Variants in ARHGEF10L observed in about 807,000 individuals in gnomAD.
The protein encoded by ARHGEF10L is rho guanine nucleotide exchange factor 10-like protein.
Under a neutral mutation model 141.2 loss-of-function variants are expected in ARHGEF10L, and 69 were observed. That is an observed-to-expected ratio of 0.49 (90% CI 0.40 to 0.60). The LOEUF (loss-of-function observed/expected upper bound fraction) is 0.60. ARHGEF10L is among the 20% of genes least tolerant of loss of function. The pLI is 0.00. For synonymous variants in ARHGEF10L, 711 were observed against 718.5 expected (o/e 0.99, Z 0.17); for missense variants, 1,482 against 1,734.3 (o/e 0.85, Z 2.58).
intron 27 of ARHGEF10L, among the ~76,000 whole-genome samples, chr1:17,689,118 A>T (rs1360394054): frequency 6.6e-6 from 1 of 152,128 alleles, no homozygotes; most frequent in Non-Finnish European, 1.5e-5. Context: ...GTGGTCATGC[A>T]GTAGACCAGA....
chr1:17,683,261 G>A (rs866255103), intron 26 of ARHGEF10L, among the ~76,000 whole-genome samples: 23 of 120,552 alleles, frequency 1.9e-4, no homozygotes, highest in African/African-American at 7.3e-4. Context: ...TCACCCGGGT[G>A]CTCACTGCCC....
At chr1:17,682,373 C>T (rs1252824929) in intron 26 of ARHGEF10L, among the ~76,000 whole-genome samples, 3 of 152,172 alleles carry the variant, frequency 2.0e-5, no homozygotes, top group African/African-American at 7.2e-5. Context: ...ATCTCAGTCC[C>T]ACCACATAGG....
At chr1:17,694,376 C>T in intron 27 of ARHGEF10L, 1 of 157,616 alleles carries the variant, frequency 6.3e-6, no homozygotes, top group Admixed American at 6.0e-5. Context: ...GGTGTGAATC[C>T]CGCACCTGGC....
At chr1:17,572,545 G>A (rs532355542) in intron 1 of ARHGEF10L, among the ~76,000 whole-genome samples, 1 of 152,170 alleles carries the variant, frequency 6.6e-6, no homozygotes, top group Non-Finnish European at 1.5e-5. Flanking sequence ...AGTCTAAGAA[G>A]CCTAAGCCAG....
intron 1 of ARHGEF10L, among the ~76,000 whole-genome samples, chr1:17,559,907 C>T (rs995297149): frequency 2.0e-5 from 3 of 152,142 alleles, no homozygotes; most frequent in Non-Finnish European, 2.9e-5. Flanking sequence ...TTCAGCACTC[C>T]TGTCCCTCCA....
At chr1:17,637,087 C>T (rs1489772048) in intron 18 of ARHGEF10L, among the ~76,000 whole-genome samples, 1 of 152,144 alleles carries the variant, frequency 6.6e-6, no homozygotes, top group Non-Finnish European at 1.5e-5. Flanking sequence ...CCATTGTTAA[C>T]TGACTGCTTC....
At chr1:17,632,525 T>G in intron 16 of ARHGEF10L, 59 bp downstream of exon 16, 1 of 1,606,472 alleles carries the variant, frequency 6.2e-7, no homozygotes, top group Non-Finnish European at 8.5e-7. Flanking sequence ...CATCCCGCCC[T>G]ACTCCAGTCT....
intron 9 of ARHGEF10L, chr1:17,618,305 G>A: frequency 4.0e-6 from 6 of 1,499,006 alleles, no homozygotes; most frequent in South Asian, 1.3e-5. Flanking sequence ...GACCCTCCCT[G>A]CAGAGGCGAT....
chr1:17,567,567 C>T (rs2077812764), intron 1 of ARHGEF10L, among the ~76,000 whole-genome samples: 1 of 152,140 alleles, frequency 6.6e-6, no homozygotes, highest in Non-Finnish European at 1.5e-5. Context: ...AGGGTTTTAC[C>T]ATGTTGGTCA....
chr1:17,686,935 T>A (rs12742364), intron 26 of ARHGEF10L, among the ~76,000 whole-genome samples: 27,755 of 151,912 alleles, frequency 0.18, 2,813 homozygotes, highest in African/African-American at 0.26. Flanking sequence ...TGGAAGAGAA[T>A]GCTTTTCACC....
chr1:17,636,096 G>T (rs2060983574), intron 18 of ARHGEF10L, among the ~76,000 whole-genome samples: 1 of 152,094 alleles, frequency 6.6e-6, no homozygotes. Context: ...GGCACCTTCT[G>T]CCCTGGCTCA....
chr1:17,607,651 T>C lies in ARHGEF10L; in HGVS notation c.434-151T>C. ...AAAATGTATTATCATCTTCGTTTCA[T>C]GGTTGAGGAGGTAGAGCTGGAGCCC... On this transcript the variant is annotated intron_variant, in intron 6 of 28. Coordinates refer to ENST00000361221, the MANE Select transcript of ARHGEF10L (RefSeq NM_018125.4). The surrounding 1 kb of genome is among the most constrained non-coding windows in gnomAD (Gnocchi z 4.5). 1.4e-6 allele frequency: 1 copy of C among 725,698 alleles called. No individual in the cohort carries two copies. Among genetic ancestry groups the C allele is most frequent in the Non-Finnish European group, 2.1e-6 (1 of 485,408 alleles). 45.0% of individuals were successfully genotyped at this position (725,698 alleles called of 1,614,324 possible).
chr1:17,607,911 G>C lies in ARHGEF10L; in HGVS notation c.543G>C (p.Ser181=). ...SSEFESYSED[S]GEEAKPEVEV... The stretch of plus-strand genomic sequence containing the variant: ...AGTTCGAGAGCTACAGCGAGGACTC[G>C]GGGGAGGAGGCCAAGCCGGAGGTCG... Residue 181 remains serine, a synonymous_variant, in exon 7 of 29, where the codon TCG becomes TCC. Coordinates refer to ENST00000361221, the MANE Select transcript of ARHGEF10L (RefSeq NM_018125.4). The surrounding 1 kb of genome is among the most constrained non-coding windows in gnomAD (Gnocchi z 4.5). 6.5e-7 allele frequency: 1 copy of C among 1,536,516 alleles called. No homozygotes were observed. Among genetic ancestry groups the C allele is most frequent in the Non-Finnish European group, 8.7e-7 (1 of 1,145,068 alleles).
rs543149111 is a variant in ARHGEF10L, at chr1:17,639,672, G to A, written c.2172-530G>A. The stretch of plus-strand genomic sequence containing the variant: ...CACTGCTCTGAGGTGAGAGGACAGC[G>A]TGGTGACAACAGCAACCTCTGGTTG... On this transcript the variant is annotated intron_variant, in intron 20 of 28. Coordinates refer to ENST00000361221, the MANE Select transcript of ARHGEF10L (RefSeq NM_018125.4). This position sits in a 1 kb window ranked among gnomAD's most constrained non-coding sequence, Gnocchi z 4.3. 5.3e-4 allele frequency: 228 copies of A among 430,386 alleles called. 2 individuals are homozygous for A. The highest frequency in any genetic ancestry group is 4.0e-3 in the African/African-American group (201 of 49,726). 26.7% of individuals were successfully genotyped at this position (430,386 alleles called of 1,614,324 possible). A position where few individuals can be genotyped will look rare whatever the true frequency, so the allele number is the denominator to read the frequency against.
At chr1:17,544,829 T>C (rs2764883) in intron 1 of ARHGEF10L, among the ~76,000 whole-genome samples, 11,875 of 151,266 alleles carry the variant, frequency 0.079, 523 homozygotes, top group African/African-American at 0.1. Flanking sequence ...GCTGGGGAGG[T>C]CTCACAATCA....
At chr1:17,602,033 T>G (rs41268759) in intron 4 of ARHGEF10L, 94 bp from the exon 5 acceptor site, 17,780 of 1,186,008 alleles carry the variant, frequency 0.015, 179 homozygotes, top group South Asian at 0.027. Context: ...CAGCCCACTT[T>G]TGCCCATCAT....
chr1:17,600,254 C>G (rs1473508539), intron 4 of ARHGEF10L, among the ~76,000 whole-genome samples: 3 of 152,226 alleles, frequency 2.0e-5, no homozygotes, highest in Non-Finnish European at 4.4e-5. Context: ...TCCTCCCCTC[C>G]CTCTTCCCCT....
chr1:17,571,206 C>A (rs74870212), intron 1 of ARHGEF10L, among the ~76,000 whole-genome samples: 2,740 of 152,046 alleles, frequency 0.018, 85 homozygotes, highest in African/African-American at 0.063. Context: ...GAAGGAGGAG[C>A]GGAGGAAGGG....
intron 26 of ARHGEF10L, among the ~76,000 whole-genome samples, chr1:17,669,406 A>G (rs776507790): frequency 2.6e-5 from 4 of 152,184 alleles, no homozygotes; most frequent in Non-Finnish European, 5.9e-5. Flanking sequence ...TACCTATAGG[A>G]TCTCATTTAA....
Sources: allele counts gnomAD v4.1 joint callset (sites outside exome capture counted in the v4.1 genomes callset), GRCh38; gene constraint gnomAD v4.1.1; non-coding constraint Gnocchi (gnomAD v3.1); transcripts MANE v1.5; gene names NCBI Gene and HGNC (gene_info 2026-07-23, HGNC 2026-07-21).